The following KCNIP1 variants were observed in gnomAD, a reference collection of about 807,000 sequenced individuals.
KCNIP1 encodes A-type potassium channel modulatory protein KCNIP1.
Under a neutral mutation model 33.0 loss-of-function variants are expected in KCNIP1, and 18 were observed. The ratio of observed to expected loss-of-function variants is 0.55; its 90% CI spans 0.38 to 0.81. The LOEUF (loss-of-function observed/expected upper bound fraction) is 0.81. KCNIP1 is among the 30% of genes least tolerant of loss of function. The probability of loss-of-function intolerance (pLI) is 0.00; values close to 1 mark genes in which losing one functional copy is unlikely to be tolerated. For missense variants in KCNIP1, 238 were observed against 271.6 expected (o/e 0.88, Z 0.87); for synonymous variants, 93 against 98.3 (o/e 0.95, Z 0.32).
chr5:170,583,376 G>A (rs10462997), intron 1 of KCNIP1, among the ~76,000 whole-genome samples: 11,348 of 152,216 alleles, frequency 0.075, 631 homozygotes, highest in African/African-American at 0.15. Context: ...AGTGCCTTGT[G>A]TATATTAGAT....
intron 1 of KCNIP1, among the ~76,000 whole-genome samples, chr5:170,381,081 T>C (rs1764219871): frequency 6.6e-6 from 1 of 152,250 alleles, no homozygotes; most frequent in Non-Finnish European, 1.5e-5. Flanking sequence ...GGATGAGCTC[T>C]GAAGTAGAGG....
intron 5 of KCNIP1, among the ~76,000 whole-genome samples, chr5:170,725,020 A>G (rs891099766): frequency 1.1e-4 from 17 of 152,340 alleles, no homozygotes; most frequent in Admixed American, 9.1e-4. Context: ...TTGAAGGACT[A>G]AACCTACCTT....
At chr5:170,603,178 C>A (rs1256518773) in intron 1 of KCNIP1, among the ~76,000 whole-genome samples, 2 of 152,174 alleles carry the variant, frequency 1.3e-5, no homozygotes, top group African/African-American at 4.8e-5. Flanking sequence ...TTGATAAGGA[C>A]CAAATCCCTT....
At chr5:170,683,445 C>G (rs548577359) in intron 1 of KCNIP1, among the ~76,000 whole-genome samples, 7 of 152,270 alleles carry the variant, frequency 4.6e-5, no homozygotes, top group African/African-American at 1.7e-4. Flanking sequence ...GCAAGTAATC[C>G]AGTTCCAGAT....
At chr5:170,563,384 A>T (rs1261903458) in intron 1 of KCNIP1, among the ~76,000 whole-genome samples, 1 of 152,146 alleles carries the variant, frequency 6.6e-6, no homozygotes, top group Non-Finnish European at 1.5e-5. Flanking sequence ...CACAATCCTC[A>T]TGCCAGTTTT....
In KCNIP1 at chr5:170,600,531, G is replaced by C. The variant is rs140332108; in HGVS notation, c.61+95898G>C. Among the ~76,000 whole-genome samples the C allele has an allele frequency of 7.9e-5, 12 of 152,180 alleles. No homozygotes were observed. In the East Asian group the frequency reaches 2.3e-3, roughly 30 times the overall value. On this transcript the variant is annotated intron_variant, in intron 1 of 7. Transcript: ENST00000328939. ...AGCACCAGGTAGCACCCCATCCTCT[G>C]TGTGCCCACGCCTACCTCCTCTCTA...
chr5:170,360,900 T>C lies in KCNIP1; in HGVS notation c.88+6936T>C, dbSNP rs139155051. Reference sequence around the variant, plus strand: ...GCAACATCAGGCCATGTGGCTGGAGTTCCCTTTTTGAGGTCTGGTCTTAGT... The same window carrying C: ...GCAACATCAGGCCATGTGGCTGGAGCTCCCTTTTTGAGGTCTGGTCTTAGT... On this transcript the variant is annotated intron_variant, in intron 1 of 7. Transcript: ENST00000377360. Among the ~76,000 whole-genome samples the C allele has an allele frequency of 4.4e-3, 668 of 152,094 alleles. 10 individuals are homozygous for C. The highest frequency in any genetic ancestry group is 0.018 in the South Asian group (87 of 4,826).
chr5:170,616,626 G>C (rs1318108147), intron 1 of KCNIP1, among the ~76,000 whole-genome samples: 1 of 152,276 alleles, frequency 6.6e-6, no homozygotes, highest in Non-Finnish European at 1.5e-5. Context: ...TAATGTGAAA[G>C]AGGTGGGGTT....
At chr5:170,433,590 T>C (rs185334369) in intron 1 of KCNIP1, among the ~76,000 whole-genome samples, 352 of 152,272 alleles carry the variant, frequency 2.3e-3, no homozygotes, top group Admixed American at 3.5e-3. Flanking sequence ...TTAATAGCTA[T>C]TAAGTAAATA....
At chr5:170,501,341 C>T (rs142713705), upstream of KCNIP1, among the ~76,000 whole-genome samples, 10 of 152,146 alleles carry the variant, frequency 6.6e-5, no homozygotes, top group Middle Eastern at 3.4e-3. Context: ...AACCACAACA[C>T]GCATCTGAGA....
chr5:170,698,039 C>T (rs530452691), intron 1 of KCNIP1, among the ~76,000 whole-genome samples: 56 of 152,216 alleles, frequency 3.7e-4, no homozygotes, highest in African/African-American at 1.3e-3. Flanking sequence ...CAAGCAAGAG[C>T]GAAAAATTGC....
intron 5 of KCNIP1, among the ~76,000 whole-genome samples, chr5:170,729,281 CA>C (rs1237642227): frequency 2.0e-5 from 3 of 151,878 alleles, no homozygotes; most frequent in African/African-American, 2.4e-5. Context: ...TTCTGCATAT[CA>C]AAAAATACCA....
At chr5:170,572,120 C>G (rs1202123337) in intron 1 of KCNIP1, among the ~76,000 whole-genome samples, 2 of 152,132 alleles carry the variant, frequency 1.3e-5, no homozygotes, top group East Asian at 3.9e-4. Context: ...GCTTCTCAAC[C>G]TCAGCCTGGT....
intron 1 of KCNIP1, among the ~76,000 whole-genome samples, chr5:170,481,392 T>G (rs953859120): frequency 6.9e-6 from 1 of 145,836 alleles, no homozygotes; most frequent in Non-Finnish European, 1.5e-5. Context: ...TTAGTACTAC[T>G]CCTGCTGCTG....
intron 1 of KCNIP1, among the ~76,000 whole-genome samples, chr5:170,672,998 T>C (rs900912464): frequency 2.0e-5 from 3 of 152,266 alleles, no homozygotes; most frequent in Admixed American, 2.0e-4. Context: ...GTCCATATTC[T>C]AATTACAGAT....
chr5:170,660,762 T>C (rs143896147), intron 1 of KCNIP1, among the ~76,000 whole-genome samples: 35 of 152,362 alleles, frequency 2.3e-4, no homozygotes, highest in African/African-American at 8.2e-4. Context: ...GCCCAGTCTA[T>C]CCCTCCTTCC....
chr5:170,506,429 G>A (rs1229096612), intron 1 of KCNIP1, among the ~76,000 whole-genome samples: 6 of 152,190 alleles, frequency 3.9e-5, no homozygotes, highest in Non-Finnish European at 7.3e-5. Context: ...TTGTTGTAAG[G>A]ATGTGAGAAT....
chr5:170,681,956 T>C (rs1762366060), intron 1 of KCNIP1, among the ~76,000 whole-genome samples: 1 of 152,208 alleles, frequency 6.6e-6, no homozygotes, highest in African/African-American at 2.4e-5. Flanking sequence ...ATTGGGCTCA[T>C]AAAACAAGAT....
At chr5:170,629,281 A>G (rs1007264004) in intron 1 of KCNIP1, among the ~76,000 whole-genome samples, 2 of 152,194 alleles carry the variant, frequency 1.3e-5, no homozygotes, top group South Asian at 4.1e-4. Flanking sequence ...GGGCAGGGGC[A>G]TTGTTCATGC....
Sources: allele counts gnomAD v4.1 joint callset (sites outside exome capture counted in the v4.1 genomes callset), GRCh38; gene constraint gnomAD v4.1.1; transcripts MANE v1.5; gene names NCBI Gene and HGNC (gene_info 2026-07-23, HGNC 2026-07-21).